Variants in ACOT12 observed in about 807,000 individuals in gnomAD.
ACOT12 encodes acetyl-coenzyme A thioesterase.
In ACOT12, 51 loss-of-function variants were observed where a neutral mutation model predicts 67.7. The observed-to-expected ratio is 0.75, with a 90% confidence interval of 0.60 to 0.95. ACOT12 has a LOEUF of 0.95. Among genes scored for constraint, ACOT12 ranks in the 40% least tolerant of loss-of-function variants. ACOT12 has a pLI of 0.00. For missense variants in ACOT12, 734 were observed against 708.1 expected (o/e 1.04, Z -0.41); for synonymous variants, 251 against 244.6 (o/e 1.03, Z -0.24).
At chr5:81,321,660 A>C in the ACOT12 span, among the ~76,000 whole-genome samples, 1 of 152,170 alleles carries the variant, frequency 6.6e-6, no homozygotes, top group Admixed American at 6.5e-5. Context: ...AAAATGATAA[A>C]GTGGGCCAGG....
chr5:81,344,155 C>T lies in ACOT12; in HGVS notation c.980+5G>A. ...CATAAAATCATTACACCTTATGTTCCTTACCTGCCTAGGCGAATTCGCTTG... is the reference window on the plus strand; with the variant it reads ...CATAAAATCATTACACCTTATGTTCTTTACCTGCCTAGGCGAATTCGCTTG... On this transcript the variant is annotated splice_donor_5th_base_variant and intron_variant, in intron 9 of 14. Transcript: ENST00000307624. 6 of 1,613,636 alleles carry T rather than the reference C, an allele frequency of 3.7e-6. No individual in the cohort carries two copies. Among genetic ancestry groups the T allele is most frequent in the Non-Finnish European group, 4.2e-6 (5 of 1,179,796 alleles).
intron 5 of ACOT12, among the ~76,000 whole-genome samples, chr5:81,348,701 C>T (rs1173070649): frequency 6.6e-6 from 1 of 151,998 alleles, no homozygotes; most frequent in Non-Finnish European, 1.5e-5. Context: ...AGTAGCTGGG[C>T]TTACAGGTGC....
intron 4 of ACOT12, among the ~76,000 whole-genome samples, chr5:81,360,646 C>T (rs1332704298): frequency 6.6e-6 from 1 of 152,116 alleles, no homozygotes; most frequent in Non-Finnish European, 1.5e-5. Flanking sequence ...TACATAAATG[C>T]CCTTTGCTGA....
At position 81,330,412 on chromosome 5, in the gene ACOT12, C is replaced by A. The variant is rs1197030823; in HGVS notation, c.1650G>T (p.Gly550=). 1.2e-6 allele frequency: 2 copies of A among 1,612,330 alleles called. No individual in the cohort carries two copies. The highest frequency in any genetic ancestry group is 1.7e-6 in the Non-Finnish European group (2 of 1,179,412). Residue 550 remains glycine, a synonymous_variant, in exon 15 of 15, where the codon GGG becomes GGT. Coordinates refer to ENST00000307624, the MANE Select transcript of ACOT12 (RefSeq NM_130767.3). ...TTGACCTTTAAAATGTGCTTACAAACCCATCATCAGGAGGATTCTCTAAGA... is the reference window on the plus strand; with the variant it reads ...TTGACCTTTAAAATGTGCTTACAAAACCATCATCAGGAGGATTCTCTAAGA... ...IQFLENPPDD[G]FVSTF
intron 5 of ACOT12, among the ~76,000 whole-genome samples, chr5:81,354,699 T>G (rs1447979776): frequency 2.1e-5 from 3 of 141,520 alleles, no homozygotes; most frequent in African/African-American, 5.3e-5. Context: ...TTTTATCAAT[T>G]ATGTCTTTTT....
At chr5:81,345,796 T>C in intron 7 of ACOT12, 89 bp downstream of exon 7, 1 of 1,523,634 alleles carries the variant, frequency 6.6e-7, no homozygotes, top group Non-Finnish European at 9.0e-7. Flanking sequence ...TTCACTAAAG[T>C]AGTTCCCATA....
At chr5:81,336,753 G>T (rs1261045692) in intron 11 of ACOT12, among the ~76,000 whole-genome samples, 1 of 152,108 alleles carries the variant, frequency 6.6e-6, no homozygotes, top group African/African-American at 2.4e-5. Context: ...ATGGCAACAA[G>T]CTGTGAGAAA....
At chr5:81,317,531 A>C in the ACOT12 span, among the ~76,000 whole-genome samples, 44 of 150,712 alleles carry the variant, frequency 2.9e-4, no homozygotes, top group Non-Finnish European at 5.5e-4. Context: ...GGTTTAATTG[A>C]CTCACAGTTT....
At chr5:81,357,184 G>T (rs142770384) in intron 5 of ACOT12, among the ~76,000 whole-genome samples, 6 of 152,112 alleles carry the variant, frequency 3.9e-5, no homozygotes, top group Non-Finnish European at 8.8e-5. Flanking sequence ...CGAGTCTCTC[G>T]TGAACCCTGA....
chr5:81,374,285 T>C (rs1428964948), intron 2 of ACOT12, among the ~76,000 whole-genome samples: 1 of 152,114 alleles, frequency 6.6e-6, no homozygotes, highest in Non-Finnish European at 1.5e-5. Context: ...CAGAAAGGAA[T>C]AGCATCAACA....
At chr5:81,330,747 G>A (rs934288986) in intron 14 of ACOT12, 67 bp downstream of exon 14, 48 of 1,582,254 alleles carry the variant, frequency 3.0e-5, no homozygotes, top group Middle Eastern at 3.4e-4. Flanking sequence ...AGGACATCTG[G>A]GTAAATTAAG....
chr5:81,366,609 A>C lies in ACOT12; in HGVS notation c.259-2720T>G, dbSNP rs7737568. ...TAAATTAATGGGTGTACTACAAAAA[A>C]TTTTTATTCATAAAAACAGGTCTAT... On this transcript the variant is annotated intron_variant, in intron 3 of 14. Transcript: ENST00000307624. Among the ~76,000 whole-genome samples the C allele has an allele frequency of 2.1e-3, 320 of 152,302 alleles. 1 individual carries two copies. The highest frequency in any genetic ancestry group is 7.4e-3 in the African/African-American group (309 of 41,582).
chr5:81,389,332 A>G (rs1760806482), intron 1 of ACOT12, among the ~76,000 whole-genome samples: 1 of 152,108 alleles, frequency 6.6e-6, no homozygotes, highest in Non-Finnish European at 1.5e-5. Context: ...TCTTGGTTCA[A>G]AGTTTTTGTA....
In ACOT12 at chr5:81,344,901, G is replaced by T; in HGVS notation, c.914C>A (p.Pro305His). The T allele has an allele frequency of 6.2e-7, 1 of 1,614,162 alleles. No homozygotes were observed. The highest frequency in any genetic ancestry group is 1.7e-5 in the Admixed American group (1 of 60,030). ...GTGATAATAACTGACCTTTGAAATG[G>T]GTTGGATTCTGGGAAACGTGATGAG... is the stretch of plus-strand genomic sequence containing the variant. ...ENLITFPRIQ[P>H]ISKDDFRRYR... is the part of the protein sequence containing the mutation. Residue 305 changes from proline to histidine, a missense_variant, in exon 8 of 15, where the codon CCC becomes CAC. Transcript: ENST00000307624.
At chr5:81,339,914 G>A (rs931626601) in intron 11 of ACOT12, among the ~76,000 whole-genome samples, 1 of 151,984 alleles carries the variant, frequency 6.6e-6, no homozygotes, top group Admixed American at 6.5e-5. Flanking sequence ...TTATAGAGAT[G>A]AAGTCATTTT....
downstream of ACOT12, among the ~76,000 whole-genome samples, chr5:81,326,906 C>T (rs1013928257): frequency 2.6e-5 from 4 of 152,110 alleles, no homozygotes; most frequent in Non-Finnish European, 5.9e-5. Context: ...AGTTTTAATA[C>T]TTTGGAAAGG....
At chr5:81,334,320 A>G (rs1376698092) in intron 12 of ACOT12, among the ~76,000 whole-genome samples, 1 of 152,212 alleles carries the variant, frequency 6.6e-6, no homozygotes, top group Admixed American at 6.5e-5. Context: ...CAAAACTGAA[A>G]GAGCGCATCG....
At chr5:81,338,401 A>C (rs1759076046) in intron 11 of ACOT12, among the ~76,000 whole-genome samples, 1 of 151,896 alleles carries the variant, frequency 6.6e-6, no homozygotes, top group Admixed American at 6.6e-5. Context: ...TTCTCATGAG[A>C]TCTGGTTGTT....
chr5:81,345,285 G>A (rs570022444), intron 7 of ACOT12, among the ~76,000 whole-genome samples: 1 of 152,266 alleles, frequency 6.6e-6, no homozygotes, highest in South Asian at 2.1e-4. Flanking sequence ...ACTTTCAAGT[G>A]GGAAAAAGGC....
Sources: gnomAD v4.1 joint callset for allele counts (sites outside exome capture counted in the v4.1 genomes callset) on GRCh38, gnomAD v4.1.1 for gene constraint, MANE v1.5 for transcripts, NCBI Gene and HGNC (gene_info 2026-07-23, HGNC 2026-07-21) for gene names.